The following CDH2 variants were observed in gnomAD, a reference collection of about 807,000 sequenced individuals.
CDH2 encodes the protein cadherin 2.
In CDH2, 17 loss-of-function variants were observed where a neutral mutation model predicts 92.0. The ratio of observed to expected loss-of-function variants is 0.18; its 90% CI spans 0.13 to 0.28. CDH2 has a LOEUF of 0.28. Among genes scored for constraint, CDH2 ranks in the 10% least tolerant of loss-of-function variants. The probability of loss-of-function intolerance (pLI) is 1.00; values close to 1 mark genes in which losing one functional copy is unlikely to be tolerated. For synonymous variants in CDH2, 419 were observed against 415.9 expected (o/e 1.01, Z -0.09); for missense variants, 862 against 1,133.1 (o/e 0.76, Z 3.44).
At chr18:28,024,422 T>C (rs1421790798) in intron 2 of CDH2, among the ~76,000 whole-genome samples, 1 of 150,390 alleles carries the variant, frequency 6.6e-6, no homozygotes, top group Non-Finnish European at 1.5e-5. Flanking sequence ...AAAATCTATT[T>C]GTTAATAATA....
chr18:28,047,677 G>A (rs2144119758), intron 2 of CDH2, among the ~76,000 whole-genome samples: 1 of 151,990 alleles, frequency 6.6e-6, no homozygotes. Context: ...GACCATCCTG[G>A]CTAACACGGT....
chr18:28,066,473 C>T (rs1002755939), intron 2 of CDH2, among the ~76,000 whole-genome samples: 2 of 152,090 alleles, frequency 1.3e-5, no homozygotes, highest in African/African-American at 4.8e-5. Context: ...GATAGGAATG[C>T]ATGGAATTGT....
chr18:28,041,391 G>A (rs1437698032), intron 2 of CDH2, among the ~76,000 whole-genome samples: 1 of 152,134 alleles, frequency 6.6e-6, no homozygotes, highest in Non-Finnish European at 1.5e-5. Flanking sequence ...TTTTCTCATT[G>A]TAATCACATA....
chr18:27,959,275 A>AAGTT (rs1220266183), intron 15 of CDH2, among the ~76,000 whole-genome samples: 3 of 152,202 alleles, frequency 2.0e-5, no homozygotes, highest in African/African-American at 4.8e-5. Context: ...GACTGGAAAT[A>AAGTT]AGTTATCATT....
intron 2 of CDH2, among the ~76,000 whole-genome samples, chr18:28,084,446 A>C (rs1028533388): frequency 6.6e-6 from 1 of 152,198 alleles, no homozygotes; most frequent in South Asian, 2.1e-4. Context: ...TCTGTGGTCA[A>C]GCTTCTGAAA....
Position 28,147,791 on chromosome 18 carries a change from C to CA in CDH2, c.61-8dup, listed in dbSNP as rs1598508222. 3 of 1,473,918 alleles carry CA rather than the reference C, an allele frequency of 2.0e-6. No individual in the cohort carries two copies. The highest frequency in any genetic ancestry group is 4.1e-5 in the Admixed American group (2 of 48,618). 91.3% of individuals were successfully genotyped at this position (1,473,918 alleles called of 1,614,324 possible). ...CAGAAGCCTCTACAGACGCCTGCAACACAAGAAAAAAAAAAAAAATGTGTG... is the reference window on the plus strand; with the variant it reads ...CAGAAGCCTCTACAGACGCCTGCAACAACAAGAAAAAAAAAAAAAATGTGTG... On this transcript the variant is annotated splice_region_variant and splice_polypyrimidine_tract_variant and intron_variant, in intron 1 of 15. Transcript: ENST00000269141.
chr18:28,142,058 A>G (rs955771019), intron 2 of CDH2, among the ~76,000 whole-genome samples: 4 of 151,996 alleles, frequency 2.6e-5, no homozygotes, highest in Non-Finnish European at 4.4e-5. Context: ...ATCACCATCT[A>G]TCATTCAGTA....
At chr18:27,949,610 C>A (rs530547721), downstream of CDH2, among the ~76,000 whole-genome samples, 1 of 151,764 alleles carries the variant, frequency 6.6e-6, no homozygotes, top group African/African-American at 2.4e-5. Context: ...ACATAATGTA[C>A]AATCTCATTT....
chr18:27,954,459 A>C (rs576616034), intron 15 of CDH2: 1 of 152,354 alleles, frequency 6.6e-6, no homozygotes, highest in South Asian at 2.1e-4. Context: ...TACCCGCTTC[A>C]AGAACTCTAT....
intron 2 of CDH2, among the ~76,000 whole-genome samples, chr18:28,015,235 T>G (rs2013211151): frequency 6.6e-6 from 1 of 152,202 alleles, no homozygotes; most frequent in African/African-American, 2.4e-5. Context: ...CATAAAATCC[T>G]TGATAGAAGT....
chr18:28,066,825 T>C (rs1395383089), intron 2 of CDH2, among the ~76,000 whole-genome samples: 1 of 152,018 alleles, frequency 6.6e-6, no homozygotes, highest in East Asian at 1.9e-4. Context: ...CTTGCATCAT[T>C]TATGTATATA....
At chr18:27,963,744 C>T (rs1192135998) in intron 14 of CDH2, 5 of 506,794 alleles carry the variant, frequency 9.9e-6, no homozygotes, top group Non-Finnish European at 1.8e-5. Context: ...ATCTGCTTTA[C>T]AATGTTCCTC....
chr18:27,970,402 A>C (rs1008219197), intron 14 of CDH2, among the ~76,000 whole-genome samples: 3 of 152,238 alleles, frequency 2.0e-5, no homozygotes, highest in Admixed American at 2.0e-4. Flanking sequence ...CTATTAATTC[A>C]TCTCAGAGAA....
At chr18:28,152,536 T>C (rs943383857) in intron 1 of CDH2, among the ~76,000 whole-genome samples, 1 of 152,034 alleles carries the variant, frequency 6.6e-6, no homozygotes, top group Non-Finnish European at 1.5e-5. Context: ...AGTCACTGCT[T>C]GAACTAAAAC....
chr18:28,112,544 T>G (rs2144256439), intron 2 of CDH2, among the ~76,000 whole-genome samples: 1 of 152,340 alleles, frequency 6.6e-6, no homozygotes, highest in African/African-American at 2.4e-5. Flanking sequence ...TAAAATAAGT[T>G]AACAGGCAGG....
At chr18:28,169,035 A>C (rs1398940433) in intron 1 of CDH2, among the ~76,000 whole-genome samples, 4 of 152,220 alleles carry the variant, frequency 2.6e-5, no homozygotes, top group African/African-American at 9.6e-5. Flanking sequence ...TGAGAGCAAA[A>C]CCACCTATCT....
At chr18:28,166,172 ATGTC>A (rs200205516) in intron 1 of CDH2, among the ~76,000 whole-genome samples, 171 of 136,822 alleles carry the variant, frequency 1.2e-3, no homozygotes, top group Non-Finnish European at 2.0e-3. Flanking sequence ...ATATATATAT[ATGTC>A]TGTATTTTAA....
At chr18:28,075,423 A>G (rs1196091972) in intron 2 of CDH2, among the ~76,000 whole-genome samples, 1 of 152,114 alleles carries the variant, frequency 6.6e-6, no homozygotes, top group Non-Finnish European at 1.5e-5. Context: ...CACACACCCG[A>G]TTCCAGAGGC....
At chr18:27,975,371 GA>G (rs1445378022) in intron 14 of CDH2, among the ~76,000 whole-genome samples, 7 of 152,220 alleles carry the variant, frequency 4.6e-5, no homozygotes, top group Admixed American at 4.6e-4. Context: ...CTGCCTGACA[GA>G]AAAGTCCTCA....
Sources: allele counts gnomAD v4.1 joint callset (sites outside exome capture counted in the v4.1 genomes callset), GRCh38; gene constraint gnomAD v4.1.1; transcripts MANE v1.5; gene names NCBI Gene and HGNC (gene_info 2026-07-23, HGNC 2026-07-21).